SEC24D: variants seen among roughly 807,000 people sequenced by gnomAD.
The protein encoded by SEC24D is SEC24 homolog D, COPII component.
A neutral mutation model predicts 116.9 loss-of-function variants in SEC24D; 69 were observed. The observed-to-expected ratio is 0.59, with a 90% CI of 0.49 to 0.72. The LOEUF (loss-of-function observed/expected upper bound fraction) is 0.72, where lower values mean the gene tolerates loss of function less well. SEC24D is among the 30% of genes least tolerant of loss of function. The pLI is 0.00. For synonymous variants in SEC24D, 405 were observed against 442.8 expected, an observed-to-expected ratio of 0.91 and a Z score of 1.07; for missense variants, 1,131 against 1,264.1, an observed-to-expected ratio of 0.89 and a Z score of 1.60.
intron 7 of SEC24D, among the ~76,000 whole-genome samples, chr4:118,802,060 T>G (rs1729467055): frequency 6.6e-6 from 1 of 151,684 alleles, no homozygotes; most frequent in Admixed American, 6.6e-5. Flanking sequence ...TTGGAAAGAG[T>G]GACAGTAAAA....
intron 8 of SEC24D, among the ~76,000 whole-genome samples, chr4:118,783,337 G>A (rs1281135454): frequency 2.0e-5 from 3 of 152,090 alleles, no homozygotes; most frequent in Non-Finnish European, 4.4e-5. Flanking sequence ...CCTCCTCCCA[G>A]GCAGACGTTA....
At chr4:118,772,686 C>T (rs1320246472) in intron 8 of SEC24D, among the ~76,000 whole-genome samples, 1 of 152,140 alleles carries the variant, frequency 6.6e-6, no homozygotes, top group Non-Finnish European at 1.5e-5. Context: ...TGCCAGCGTC[C>T]AAGCCCACTC....
At chr4:118,806,207 G>C (rs749289245) in intron 6 of SEC24D, among the ~76,000 whole-genome samples, 2 of 152,186 alleles carry the variant, frequency 1.3e-5, no homozygotes, top group Non-Finnish European at 2.9e-5. Context: ...TTTTAGAATA[G>C]TAGTTTCCAA....
intron 2 of SEC24D, among the ~76,000 whole-genome samples, chr4:118,833,063 C>T (rs978108483): frequency 6.6e-6 from 1 of 152,164 alleles, no homozygotes; most frequent in South Asian, 2.1e-4. Context: ...CTTGCTGATT[C>T]TGCACTATAT....
chr4:118,755,198 AT>A (rs1727027041), intron 11 of SEC24D, among the ~76,000 whole-genome samples: 1 of 152,122 alleles, frequency 6.6e-6, no homozygotes, highest in Non-Finnish European at 1.5e-5. Flanking sequence ...TTATTAAATC[AT>A]ATCCAGAAGA....
chr4:118,815,246 G>T, intron 5 of SEC24D, 91 bp from the exon 6 acceptor site: 1 of 1,481,512 alleles, frequency 6.7e-7, no homozygotes, highest in Non-Finnish European at 9.2e-7. Context: ...AGTCAAGCAT[G>T]TTGTATTTTT....
At chr4:118,813,886 AC>A (rs2110522597) in intron 6 of SEC24D, among the ~76,000 whole-genome samples, 1 of 152,284 alleles carries the variant, frequency 6.6e-6, no homozygotes, top group East Asian at 1.9e-4. Flanking sequence ...CCTCCAGCTG[AC>A]CCCAGATGCA....
At chr4:118,742,374 G>T (rs997038890) in intron 15 of SEC24D, among the ~76,000 whole-genome samples, 7 of 72,634 alleles carry the variant, frequency 9.6e-5, no homozygotes, top group Admixed American at 3.7e-4. Context: ...TTGGAAAAGT[G>T]GGGGGGGGAA....
intron 6 of SEC24D, 41 bp downstream of exon 6, chr4:118,814,987 T>G: frequency 6.3e-7 from 1 of 1,599,790 alleles, no homozygotes. Context: ...AAATTAATGC[T>G]CCTTTGTGAG....
chr4:118,768,351 T>C, intron 8 of SEC24D, 40 bp from the exon 9 acceptor site: 2 of 1,552,070 alleles, frequency 1.3e-6, no homozygotes, highest in South Asian at 2.4e-5. Flanking sequence ...CAGGTGAGTA[T>C]AGGATTTCTA....
At chr4:118,821,825 A>G (rs1730416863) in intron 3 of SEC24D, among the ~76,000 whole-genome samples, 1 of 152,220 alleles carries the variant, frequency 6.6e-6, no homozygotes, top group African/African-American at 2.4e-5. Flanking sequence ...AGCATGTCCC[A>G]TGAGGGCAAG....
intron 8 of SEC24D, among the ~76,000 whole-genome samples, chr4:118,779,890 T>C (rs902961246): frequency 3.3e-5 from 5 of 152,236 alleles, no homozygotes; most frequent in Admixed American, 1.3e-4. Context: ...TTTATTTGCT[T>C]AGAGGTGTTT....
In SEC24D at chr4:118,815,199, C is replaced by T. The variant is rs1017334596; in HGVS notation, c.674-44G>A. 5 of 1,609,664 alleles carry T rather than the reference C, an allele frequency of 3.1e-6. No homozygotes were observed. In the African/African-American group the frequency reaches 6.7e-5, roughly 22 times the overall value. The stretch of plus-strand genomic sequence containing the variant: ...AAGAGAAATGACTATCATCCCAAAT[C>T]CAGCATGTAAGACTTGTTGACGATA... On this transcript the variant is annotated intron_variant, in intron 5 of 22. Transcript: ENST00000280551.
At chr4:118,784,741 C>G (rs561061962) in intron 8 of SEC24D, among the ~76,000 whole-genome samples, 8 of 61,340 alleles carry the variant, frequency 1.3e-4, no homozygotes, top group African/African-American at 3.0e-4. Flanking sequence ...CCTTCCCTGC[C>G]CCCCCCCCCG....
At chr4:118,749,595 T>C (rs1371103804) in intron 13 of SEC24D, among the ~76,000 whole-genome samples, 6 of 152,200 alleles carry the variant, frequency 3.9e-5, no homozygotes, top group African/African-American at 9.7e-5. Flanking sequence ...CCGGGCAGAA[T>C]ATCCTGAGTT....
Position 118,731,513 on chromosome 4 carries a change from C to T in SEC24D, c.2677-6G>A. On this transcript the variant is annotated splice_polypyrimidine_tract_variant and splice_region_variant and intron_variant, in intron 20 of 22. Coordinates refer to ENST00000280551, the MANE Select transcript of SEC24D (RefSeq NM_014822.4). ...CTCTTGACATCTAACGTGTGCTGGG[C>T]AGGCACAGACAAAAGAGTTAGAAAC... The T allele has an allele frequency of 6.2e-7, 1 of 1,613,376 alleles. No homozygotes were observed. Among genetic ancestry groups the T allele is most frequent in the Non-Finnish European group, 8.5e-7 (1 of 1,179,468 alleles).
chr4:118,816,367 A>G (rs1018856412), intron 4 of SEC24D, among the ~76,000 whole-genome samples: 1 of 152,210 alleles, frequency 6.6e-6, no homozygotes, highest in Non-Finnish European at 1.5e-5. Context: ...CTAGAAAATC[A>G]TATAAAAATT....
At chr4:118,731,569 T>C in intron 20 of SEC24D, 62 bp from the exon 21 acceptor site, 1 of 1,437,612 alleles carries the variant, frequency 7.0e-7, no homozygotes. Context: ...CCCTCCTTCC[T>C]CTTTTCCTTT....
chr4:118,835,079 CT>C (rs1397699010), intron 1 of SEC24D, among the ~76,000 whole-genome samples: 1 of 152,164 alleles, frequency 6.6e-6, no homozygotes, highest in Non-Finnish European at 1.5e-5. Flanking sequence ...CTGACAACCC[CT>C]TTTTCCTCCT....
Sources: gnomAD v4.1 joint callset for allele counts (sites outside exome capture counted in the v4.1 genomes callset) on GRCh38, gnomAD v4.1.1 for gene constraint, MANE v1.5 for transcripts, NCBI Gene and HGNC (gene_info 2026-07-23, HGNC 2026-07-21) for gene names.